GCA: variants seen among roughly 807,000 people sequenced by gnomAD.
The protein encoded by GCA is grancalcin, EF-hand calcium-binding protein.
Under a neutral mutation model 32.6 loss-of-function variants are expected in GCA, and 30 were observed. That is an observed-to-expected ratio of 0.92 (90% confidence interval 0.69 to 1.25). GCA has a LOEUF of 1.25. Among genes scored for constraint, GCA ranks in the 50% most tolerant of loss-of-function variants. The pLI is 0.00. For synonymous variants in GCA, 102 were observed against 84.6 expected (o/e 1.21, Z -1.13); for missense variants, 291 against 266.8 (o/e 1.09, Z -0.63).
At chr2:162,370,673 C>G (rs1685901155) in intron 4 of GCA, among the ~76,000 whole-genome samples, 1 of 152,080 alleles carries the variant, frequency 6.6e-6, no homozygotes, top group Admixed American at 6.6e-5. Flanking sequence ...CCCGCAGCTG[C>G]AATTAGACAT....
chr2:162,354,003 C>G (rs1221049533), intron 3 of GCA, among the ~76,000 whole-genome samples: 1 of 151,890 alleles, frequency 6.6e-6, no homozygotes, highest in African/African-American at 2.4e-5. Flanking sequence ...AGCTTCTGTT[C>G]TATTTTCATG....
chr2:162,342,177 CA>C (rs1374487353), upstream of GCA, among the ~76,000 whole-genome samples: 1 of 152,008 alleles, frequency 6.6e-6, no homozygotes, highest in Non-Finnish European at 1.5e-5. Flanking sequence ...AAATTTGAAA[CA>C]CTAGTTTTAG....
chr2:162,353,955 A>G (rs1685127833), intron 3 of GCA, among the ~76,000 whole-genome samples: 1 of 151,578 alleles, frequency 6.6e-6, no homozygotes, highest in Non-Finnish European at 1.5e-5. Context: ...TAAACCTTCT[A>G]TTGAGTCTTT....
exon 1 of GCA, chr2:162,319,048 G>C (rs1683574721): frequency 4.7e-6 from 2 of 425,648 alleles, no homozygotes; most frequent in African/African-American, 2.0e-5. Flanking sequence ...GTTACCCTCG[G>C]CTGGTGAATG....
chr2:162,360,703 T>C lies in GCA; in HGVS notation c.*460T>C. 2 of 1,360,550 alleles carry C rather than the reference T, an allele frequency of 1.5e-6. No individual in the cohort carries two copies. The highest frequency in any genetic ancestry group is 1.9e-6 in the Non-Finnish European group (2 of 1,059,632). 84.3% of individuals were successfully genotyped at this position (1,360,550 alleles called of 1,614,324 possible). On this transcript the variant is annotated 3_prime_UTR_variant, in exon 8 of 8. Coordinates refer to ENST00000437150, the MANE Select transcript of GCA (RefSeq NM_012198.5). Reference sequence around the variant, plus strand: ...GCTAGAAATGAAAGCCTGGATTTTGTGCCATGTTTGTAATATAGTTTGTTC... The same window carrying C: ...GCTAGAAATGAAAGCCTGGATTTTGCGCCATGTTTGTAATATAGTTTGTTC...
chr2:162,366,933 G>C (rs921296128), downstream of GCA, among the ~76,000 whole-genome samples: 10 of 146,380 alleles, frequency 6.8e-5, no homozygotes, highest in South Asian at 2.1e-3. Flanking sequence ...AAGAGCAACA[G>C]AAAGTGTTTT....
At position 162,332,386 on chromosome 2, in the gene GCA, A is replaced by G. The variant is rs187887177; in HGVS notation, c.-31+13161A>G. Among the ~76,000 whole-genome samples, 427 of 147,222 alleles carry G rather than the reference A, an allele frequency of 2.9e-3. 3 individuals carry two copies. The highest frequency in any genetic ancestry group is 9.9e-3 in the African/African-American group (401 of 40,646). On this transcript the variant is annotated intron_variant, in intron 1 of 4. Coordinates refer to the GCA transcript ENST00000429691. ...TTATATGATATATAAATTATATAAT[A>G]TATATAAAAATATATAACTTCATGG...
In GCA at chr2:162,361,128, C is replaced by G; in HGVS notation, c.*885C>G. The G allele has an allele frequency of 3.1e-6, 3 of 973,120 alleles. No homozygotes were observed. Among genetic ancestry groups the G allele is most frequent in the Non-Finnish European group, 3.7e-6 (3 of 817,874 alleles). 60.3% of individuals were successfully genotyped at this position (973,120 alleles called of 1,614,324 possible). A position where few individuals can be genotyped will look rare whatever the true frequency, so the allele number is the denominator to read the frequency against. On this transcript the variant is annotated 3_prime_UTR_variant, in exon 8 of 8. Transcript: ENST00000437150. ...CAAGTAATTAACCACTCTAATTGTTCAGAAATTTTACATTTGACTTATTTG... is the reference window on the plus strand; with the variant it reads ...CAAGTAATTAACCACTCTAATTGTTGAGAAATTTTACATTTGACTTATTTG...
intron 1 of GCA, chr2:162,344,584 G>A (rs1319185080): frequency 1.3e-5 from 6 of 474,386 alleles, no homozygotes; most frequent in Admixed American, 3.6e-5. Flanking sequence ...TCTTGTTCCA[G>A]TAATCGTTTG....
At chr2:162,370,709 T>C (rs1433742376) in intron 4 of GCA, among the ~76,000 whole-genome samples, 3 of 152,122 alleles carry the variant, frequency 2.0e-5, no homozygotes, top group Non-Finnish European at 2.9e-5. Flanking sequence ...TAATGGAAAC[T>C]AGTTTTGCCA....
At position 162,359,351 on chromosome 2, in the gene GCA, T is replaced by C. The variant is rs1310163549; in HGVS notation, c.569-143T>C. ...ACGTTATGTTATTTTTGGAAGTTTTTCTCATATCTCTGTTGCCAGGGCTAT... is the reference window on the plus strand; with the variant it reads ...ACGTTATGTTATTTTTGGAAGTTTTCCTCATATCTCTGTTGCCAGGGCTAT... On this transcript the variant is annotated intron_variant, in intron 6 of 7. Coordinates refer to ENST00000437150, the MANE Select transcript of GCA (RefSeq NM_012198.5). The C allele has an allele frequency of 2.5e-5, 15 of 588,850 alleles. No individual in the cohort carries two copies. The South Asian group carries it at 2.9e-4, about 11-fold the overall frequency. 36.5% of individuals were successfully genotyped at this position (588,850 alleles called of 1,614,324 possible).
At chr2:162,321,883 C>CATATATATAT (rs10529213) in intron 1 of GCA, among the ~76,000 whole-genome samples, 2 of 70,214 alleles carry the variant, frequency 2.8e-5, no homozygotes, top group Non-Finnish European at 5.4e-5. Flanking sequence ...AATTTAGTTA[C>CATATATATAT]ATATATATAT....
chr2:162,346,217 T>TA (rs574099817), intron 1 of GCA, among the ~76,000 whole-genome samples: 297 of 151,846 alleles, frequency 2.0e-3, no homozygotes, highest in African/African-American at 6.7e-3. Flanking sequence ...TTTTCAATAA[T>TA]AAAAAAACAT....
intron 3 of GCA, 76 bp from the exon 4 acceptor site, chr2:162,356,362 G>A: frequency 1.2e-6 from 1 of 828,178 alleles, no homozygotes; most frequent in Non-Finnish European, 2.1e-6. Flanking sequence ...GTTTTATTTT[G>A]AAACTGGAGA....
At chr2:162,345,425 G>C (rs1198196198) in intron 1 of GCA, among the ~76,000 whole-genome samples, 5 of 152,138 alleles carry the variant, frequency 3.3e-5, no homozygotes, top group Non-Finnish European at 7.4e-5. Context: ...GAAGCTATCT[G>C]TTAGAAGTTT....
chr2:162,332,308 CAA>C lies in GCA; in HGVS notation c.-31+13097_-31+13098del, dbSNP rs1230075576. On this transcript the variant is annotated intron_variant, in intron 1 of 4. Coordinates refer to the GCA transcript ENST00000429691. ...TGGGCGACAGAGCAAGACTCCATCT[CAA>C]AAAAAAAAAAAAATATATATATATA... is the stretch of plus-strand genomic sequence containing the variant. Among the ~76,000 whole-genome samples the C allele has an allele frequency of 2.1e-3, 238 of 111,070 alleles. 1 individual carries two copies. Among genetic ancestry groups the C allele is most frequent in the African/African-American group, 6.8e-3 (204 of 29,826 alleles). 72.9% of individuals were successfully genotyped at this position (111,070 alleles called of 152,430 possible).
chr2:162,359,870 A>G (rs77106475), intron 7 of GCA, among the ~76,000 whole-genome samples: 3,411 of 151,242 alleles, frequency 0.023, 115 homozygotes, highest in African/African-American at 0.078. Flanking sequence ...CTGTAGTGAT[A>G]TTTTTTCTCA....
At chr2:162,333,091 A>C (rs79300786) in intron 1 of GCA, among the ~76,000 whole-genome samples, 2 of 152,112 alleles carry the variant, frequency 1.3e-5, no homozygotes, top group Non-Finnish European at 2.9e-5. Flanking sequence ...ACACCCAAAA[A>C]GTTGCAAGAT....
chr2:162,331,310 GCCACAAGTATTGAT>G (rs1684073797), intron 1 of GCA, among the ~76,000 whole-genome samples: 1 of 152,220 alleles, frequency 6.6e-6, no homozygotes, highest in Non-Finnish European at 1.5e-5. Flanking sequence ...CTGTGAAAGG[GCCACAAGTATTGAT>G]TATTTAGGGG....
Sources: gnomAD v4.1 joint callset for allele counts (sites outside exome capture counted in the v4.1 genomes callset) on GRCh38, gnomAD v4.1.1 for gene constraint, MANE v1.5 for transcripts, NCBI Gene and HGNC (gene_info 2026-07-23, HGNC 2026-07-21) for gene names.